The following TSHZ2 variants were observed in gnomAD, a reference collection of about 807,000 sequenced individuals.
TSHZ2 encodes teashirt homolog 2.
TSHZ2 carries 21 observed loss-of-function variants against 74.4 expected under a neutral mutation model. The observed-to-expected ratio is 0.28, with a 90% CI of 0.20 to 0.41. The LOEUF is 0.41. TSHZ2 is among the 10% of genes least tolerant of loss of function. TSHZ2 has a pLI of 1.00. For missense variants in TSHZ2, 1,244 were observed against 1,293.5 expected (o/e 0.96, Z 0.59); for synonymous variants, 540 against 515.3 (o/e 1.05, Z -0.65).
At chr20:53,153,966 A>C (rs1482208574) in intron 1 of TSHZ2, among the ~76,000 whole-genome samples, 1 of 152,196 alleles carries the variant, frequency 6.6e-6, no homozygotes, top group Non-Finnish European at 1.5e-5. Context: ...TAAGAGCAAA[A>C]GCCTGTAAGT....
At chr20:53,280,012 A>C (rs1409481136) in intron 2 of TSHZ2, among the ~76,000 whole-genome samples, 1 of 152,196 alleles carries the variant, frequency 6.6e-6, no homozygotes, top group East Asian at 1.9e-4. Flanking sequence ...GACAGACTCA[A>C]TTGTGCAGGC....
chr20:53,465,966 TAAAAAAAAA>T (rs557411643), intron 2 of TSHZ2, among the ~76,000 whole-genome samples: 2 of 132,214 alleles, frequency 1.5e-5, no homozygotes, highest in African/African-American at 2.8e-5. Context: ...TCACAGTGGT[TAAAAAAAAA>T]AAAAAAAAAG....
intron 2 of TSHZ2, among the ~76,000 whole-genome samples, chr20:53,298,035 G>A (rs1991412685): frequency 6.6e-6 from 1 of 152,228 alleles, no homozygotes; most frequent in African/African-American, 2.4e-5. Context: ...GATGGGTGGT[G>A]TCTCCAACTT....
intron 2 of TSHZ2, among the ~76,000 whole-genome samples, chr20:53,282,678 T>G (rs569006889): frequency 6.6e-6 from 1 of 152,380 alleles, no homozygotes; most frequent in Admixed American, 6.5e-5. Flanking sequence ...AGGCCGGTTC[T>G]GACACTGAAG....
chr20:53,057,642 G>A (rs1984685909), intron 1 of TSHZ2, among the ~76,000 whole-genome samples: 1 of 152,036 alleles, frequency 6.6e-6, no homozygotes, highest in African/African-American at 2.4e-5. Flanking sequence ...ATTTTTTAGA[G>A]GCCCAGGAGA....
intron 2 of TSHZ2, among the ~76,000 whole-genome samples, chr20:53,445,964 C>T (rs1277827787): frequency 1.3e-5 from 2 of 152,120 alleles, no homozygotes; most frequent in African/African-American, 4.8e-5. Flanking sequence ...AGAGGCAAGC[C>T]AAACCTGGTT....
intron 1 of TSHZ2, among the ~76,000 whole-genome samples, chr20:53,039,589 G>A (rs1158765577): frequency 6.6e-6 from 1 of 152,138 alleles, no homozygotes; most frequent in Non-Finnish European, 1.5e-5. Context: ...TGAATAGTTG[G>A]TCAACATGGT....
chr20:53,478,370 G>T (rs895715160), intron 2 of TSHZ2, among the ~76,000 whole-genome samples: 1 of 151,922 alleles, frequency 6.6e-6, no homozygotes, highest in Non-Finnish European at 1.5e-5. Flanking sequence ...TAGGGACATG[G>T]ATGAAATTGG....
chr20:53,000,048 T>C (rs572792578), intron 1 of TSHZ2, among the ~76,000 whole-genome samples: 2 of 152,336 alleles, frequency 1.3e-5, no homozygotes, highest in Non-Finnish European at 2.9e-5. Flanking sequence ...TAGTTCATCT[T>C]CGCAGACGTC....
At chr20:53,136,843 T>A (rs908464659) in intron 1 of TSHZ2, among the ~76,000 whole-genome samples, 3 of 152,236 alleles carry the variant, frequency 2.0e-5, no homozygotes, top group Non-Finnish European at 4.4e-5. Context: ...TGTTTGGATT[T>A]TTTTTCCCCT....
intron 1 of TSHZ2, among the ~76,000 whole-genome samples, chr20:53,220,298 T>C (rs969245834): frequency 2.0e-5 from 3 of 152,184 alleles, no homozygotes; most frequent in African/African-American, 7.2e-5. Flanking sequence ...AAGAAGGAGC[T>C]AAGTCACATA....
rs550042586 is a variant in TSHZ2 at position 53,353,513 on chromosome 20, C to A, written c.*8+96942C>A. ...CCGTGCCATTAAGCATTTTCTTCTA[C>A]ATTCATTTTTAAAGGCCATACAAGA... On this transcript the variant is annotated intron_variant, in intron 2 of 2. Coordinates refer to ENST00000371497, the MANE Select transcript of TSHZ2 (RefSeq NM_173485.6). Among the ~76,000 whole-genome samples the A allele has an allele frequency of 1.2e-3, 176 of 152,288 alleles. 2 individuals are homozygous for A. The highest frequency in any genetic ancestry group is 0.011 in the South Asian group (52 of 4,816).
intron 1 of TSHZ2, among the ~76,000 whole-genome samples, chr20:53,019,760 T>C (rs1983171492): frequency 6.6e-6 from 1 of 152,206 alleles, no homozygotes; most frequent in Non-Finnish European, 1.5e-5. Flanking sequence ...CGTAGAATTG[T>C]TTTAAGAATT....
intron 1 of TSHZ2, among the ~76,000 whole-genome samples, chr20:53,149,069 A>C (rs1419323857): frequency 6.6e-6 from 1 of 152,112 alleles, no homozygotes; most frequent in Non-Finnish European, 1.5e-5. Context: ...TTTTGATCTT[A>C]TACATTCTTC....
chr20:53,356,077 G>T (rs1399850150), intron 2 of TSHZ2, among the ~76,000 whole-genome samples: 1 of 152,172 alleles, frequency 6.6e-6, no homozygotes, highest in Non-Finnish European at 1.5e-5. Flanking sequence ...TGCATTGCAG[G>T]CCTGATACTG....
intron 2 of TSHZ2, among the ~76,000 whole-genome samples, chr20:53,437,815 T>A (rs1201184961): frequency 6.6e-6 from 1 of 152,184 alleles, no homozygotes; most frequent in East Asian, 1.9e-4. Context: ...CACGGCTGAC[T>A]GTAAAAAAAG....
chr20:53,479,416 C>T (rs866529926), intron 2 of TSHZ2, among the ~76,000 whole-genome samples: 54 of 152,130 alleles, frequency 3.5e-4, no homozygotes, highest in African/African-American at 1.1e-3. Flanking sequence ...GTCAGATGTG[C>T]GCCATAGGCA....
At chr20:53,009,073 A>G (rs1447865094) in intron 1 of TSHZ2, among the ~76,000 whole-genome samples, 2 of 149,470 alleles carry the variant, frequency 1.3e-5, no homozygotes, top group Non-Finnish European at 3.0e-5. Context: ...TCACACCTAT[A>G]ACACCAACAA....
intron 2 of TSHZ2, among the ~76,000 whole-genome samples, chr20:53,452,848 G>A (rs1984855667): frequency 6.6e-6 from 1 of 152,158 alleles, no homozygotes; most frequent in African/African-American, 2.4e-5. Flanking sequence ...CTCAAGGAAC[G>A]TTTAGTGTTG....
Sources: gnomAD v4.1 joint callset for allele counts (sites outside exome capture counted in the v4.1 genomes callset) on GRCh38, gnomAD v4.1.1 for gene constraint, MANE v1.5 for transcripts, NCBI Gene and HGNC (gene_info 2026-07-23, HGNC 2026-07-21) for gene names.